Variants in TCEANC observed in about 807,000 individuals in gnomAD.
TCEANC encodes transcription elongation factor A N-terminal and central domain containing.
A neutral mutation model predicts 8.7 loss-of-function variants in TCEANC; 8 were observed. The observed-to-expected ratio is 0.92, with a 90% CI of 0.54 to 1.65. TCEANC has a LOEUF of 1.65. TCEANC is among the 40% of genes most tolerant of loss of function. The pLI is 0.00. For missense variants in TCEANC, 255 were observed against 251.9 expected, an observed-to-expected ratio of 1.01 and a Z score of -0.08; for synonymous variants, 78 against 92.9, an observed-to-expected ratio of 0.84 and a Z score of 0.92.
intron 1 of TCEANC, among the ~76,000 whole-genome samples, 123 bp from the exon 4 acceptor site, chrX:13,660,908 G>A (rs1408762229): frequency 1.8e-5 from 2 of 111,406 alleles, no homozygotes; most frequent in African/African-American, 6.5e-5. Context: ...GCAGTGGCAC[G>A]ATCTTGGCTC....
exon 2 of TCEANC, chrX:13,662,724 A>C: frequency 2.5e-6 from 3 of 1,211,718 alleles, no homozygotes; most frequent in Non-Finnish European, 3.4e-6. Context: ...AGTGTTTGCT[A>C]TCAAAGTGGA....
chrX:13,662,091 A>G (rs1029431829), intron 1 of TCEANC, among the ~76,000 whole-genome samples: 2 of 112,131 alleles, frequency 1.8e-5, no homozygotes, highest in Admixed American at 1.9e-4. Context: ...AAAATTGTCT[A>G]GCACTGTTCA....
At chrX:13,662,618 A>T (rs765259952) in exon 2 of TCEANC, 4 of 1,210,194 alleles carry the variant, frequency 3.3e-6, no homozygotes, top group Non-Finnish European at 4.5e-6. Context: ...GAAACAATTT[A>T]TGTGACTAAG....
exon 2 of TCEANC, chrX:13,663,251 C>T (rs370867500): frequency 4.2e-6 from 5 of 1,201,812 alleles, no homozygotes; most frequent in Non-Finnish European, 3.4e-6. Context: ...TCTGGGACCA[C>T]GTCTCCACGA....
At chrX:13,662,133 A>G (rs1407523373) in intron 1 of TCEANC, among the ~76,000 whole-genome samples, 1 of 111,657 alleles carries the variant, frequency 9.0e-6, no homozygotes, top group African/African-American at 3.3e-5. Flanking sequence ...CACCGGCATG[A>G]TTTCACCTCC....
chrX:13,662,412 TA>T, intron 1 of TCEANC, 88 bp from the exon 5 acceptor site: 1 of 826,737 alleles, frequency 1.2e-6, no homozygotes, highest in Non-Finnish European at 1.7e-6. Flanking sequence ...ATTGCCTAGG[TA>T]ACTGACAGAA....
At chrX:13,653,514 G>A (rs1044535847), upstream of TCEANC, among the ~76,000 whole-genome samples, 1 of 111,617 alleles carries the variant, frequency 9.0e-6, no homozygotes, top group Non-Finnish European at 1.9e-5. Flanking sequence ...CCTTCCTCTC[G>A]CTGCACCTTT....
chrX:13,662,916 G>A, exon 2 of TCEANC: 2 of 1,211,674 alleles, frequency 1.7e-6, no homozygotes, highest in Non-Finnish European at 2.2e-6. Context: ...AAATGATTGT[G>A]CCTGAAAATA....
At chrX:13,657,821 A>C (rs1183228086) in intron 1 of TCEANC, among the ~76,000 whole-genome samples, 1 of 104,431 alleles carries the variant, frequency 9.6e-6, no homozygotes, top group Non-Finnish European at 1.9e-5. Flanking sequence ...AAAAAAAAAA[A>C]AAAAAACACA....
chrX:13,656,209 G>A (rs953443573), intron 1 of TCEANC, among the ~76,000 whole-genome samples: 6 of 112,155 alleles, frequency 5.3e-5, no homozygotes, highest in African/African-American at 1.9e-4. Context: ...TTCCACATGT[G>A]TTGTAACTGG....
Position 13,663,228 on chromosome X carries a change from A to G in TCEANC, c.720A>G (p.Gln240=). 1 of 1,205,383 alleles carries G rather than the reference A, an allele frequency of 8.3e-7. No homozygotes were observed. The highest frequency in any genetic ancestry group is 1.1e-6 in the Non-Finnish European group (1 of 891,963). ...AGAACCCCAGAAATTCTCATTTACAACAAAACTTGCTCTCTGGGACCACGT... is the reference window on the plus strand; with the variant it reads ...AGAACCCCAGAAATTCTCATTTACAGCAAAACTTGCTCTCTGGGACCACGT... The change falls in exon 2 of 2, where the codon CAA becomes CAG. Residue 240 remains glutamine (Q), a synonymous_variant. Coordinates refer to ENST00000380600, the Ensembl canonical transcript of TCEANC.
chrX:13,660,783 G>A (rs1050848718), intron 1 of TCEANC, among the ~76,000 whole-genome samples: 2 of 112,437 alleles, frequency 1.8e-5, no homozygotes, highest in African/African-American at 6.5e-5. Flanking sequence ...GTTTTTGTGT[G>A]GACATATGTT....
exon 2 of TCEANC, chrX:13,663,823 A>G (rs1333097315): frequency 1.5e-5 from 4 of 268,851 alleles, no homozygotes; most frequent in African/African-American, 1.1e-4. Context: ...CCCAGCATAA[A>G]CTGGGAGACT....
exon 2 of TCEANC, chrX:13,663,146 A>G: frequency 8.3e-7 from 1 of 1,208,607 alleles, no homozygotes. Flanking sequence ...TTTACCCTTT[A>G]TTCAAAGAAC....
exon 2 of TCEANC, chrX:13,662,581 G>A (rs951452998): frequency 8.3e-7 from 1 of 1,211,700 alleles, no homozygotes; most frequent in Non-Finnish European, 1.1e-6. Context: ...GAATTTTGAG[G>A]ATCTTGGCAA....
At chrX:13,654,074 GAC>G (rs770169664), upstream of TCEANC, among the ~76,000 whole-genome samples, 1 of 112,464 alleles carries the variant, frequency 8.9e-6, no homozygotes. Flanking sequence ...GTAAGTGTAA[GAC>G]ACAGTGAATT....
chrX:13,663,745 A>G (rs1243649037), exon 2 of TCEANC: 4 of 434,634 alleles, frequency 9.2e-6, no homozygotes, highest in Non-Finnish European at 1.5e-5. Context: ...GAGGGAGTGG[A>G]TGACTATTTA....
intron 1 of TCEANC, among the ~76,000 whole-genome samples, chrX:13,655,632 G>A (rs770498450): frequency 1.2e-3 from 134 of 112,426 alleles, no homozygotes; most frequent in African/African-American, 4.2e-3. Context: ...GAAGAGGGTT[G>A]TATGCCTGTG....
chrX:13,658,959 CT>C (rs1225981133), intron 1 of TCEANC, among the ~76,000 whole-genome samples: 1 of 112,378 alleles, frequency 8.9e-6, no homozygotes, highest in African/African-American at 3.2e-5. Context: ...AAAGATAATT[CT>C]TTTTTGCCTT....
Sources: allele counts gnomAD v4.1 joint callset (sites outside exome capture counted in the v4.1 genomes callset), GRCh38; gene constraint gnomAD v4.1.1; transcripts MANE v1.5; gene names NCBI Gene and HGNC (gene_info 2026-07-23, HGNC 2026-07-21).